The following DOCK1 variants were observed in gnomAD, a reference collection of about 807,000 sequenced individuals.
The protein encoded by DOCK1 is dedicator of cytokinesis protein 1.
A neutral mutation model predicts 262.7 loss-of-function variants in DOCK1; 138 were observed. That is an observed-to-expected ratio of 0.53 (90% CI 0.46 to 0.61). DOCK1 has a LOEUF of 0.61. Ranked by LOEUF, DOCK1 falls within the 20% of genes least tolerant of loss-of-function variation. The probability of loss-of-function intolerance (pLI) is 0.00; values close to 1 mark genes in which losing one functional copy is unlikely to be tolerated. For synonymous variants in DOCK1, 866 were observed against 867.4 expected (o/e 1.00, Z 0.03); for missense variants, 1,908 against 2,370.7 (o/e 0.80, Z 4.05).
chr10:127,197,652 C>T (rs1297575581), intron 27 of DOCK1, among the ~76,000 whole-genome samples: 1 of 152,094 alleles, frequency 6.6e-6, no homozygotes, highest in African/African-American at 2.4e-5. Context: ...TGGAAAGTCC[C>T]TTCACCCACC....
chr10:127,023,343 G>T lies in DOCK1; in HGVS notation c.1452+19G>T, dbSNP rs781719709. 3 of 1,613,370 alleles carry T rather than the reference G, an allele frequency of 1.9e-6. No homozygotes were observed. The highest frequency in any genetic ancestry group is 2.2e-5 in the South Asian group (2 of 90,922). ...ATTAGAGGTATTTATTGTGGCGAGG[G>T]CTCATCTGTAGTGTTTCAGTTTTAC... is the stretch of plus-strand genomic sequence containing the variant. On this transcript the variant is annotated intron_variant, in intron 14 of 51. Coordinates refer to ENST00000623213, the MANE Select transcript of DOCK1 (RefSeq NM_001290223.2).
At chr10:127,422,597 G>A (rs757744002) in intron 46 of DOCK1, among the ~76,000 whole-genome samples, 3 of 152,238 alleles carry the variant, frequency 2.0e-5, no homozygotes, top group Non-Finnish European at 4.4e-5. Context: ...TGTTTGCTTT[G>A]GAATTATGGT....
At position 127,419,668 on chromosome 10, in the gene DOCK1, C is replaced by T. The variant is rs755587095; in HGVS notation, c.4695C>T (p.Ala1565=). 3 of 1,602,038 alleles carry T rather than the reference C, an allele frequency of 1.9e-6. No individual in the cohort carries two copies. The highest frequency in any genetic ancestry group is 2.3e-5 in the East Asian group (1 of 44,400). The change falls in exon 46 of 52, where the codon GCC becomes GCT. Residue 1565 remains alanine (A), a splice_region_variant and synonymous_variant. Coordinates refer to ENST00000623213, the MANE Select transcript of DOCK1 (RefSeq NM_001290223.2). ...VMGGFANYEK[A]FFTDRYLQEH... ...GCAACTCTCCTTGTCTCCACCAGGC[C>T]TTCTTTACAGACCGGTACCTGCAGG...
chr10:127,195,794 C>G (rs992322702), intron 27 of DOCK1, among the ~76,000 whole-genome samples: 1 of 152,134 alleles, frequency 6.6e-6, no homozygotes, highest in Non-Finnish European at 1.5e-5. Context: ...AACCTTGCCC[C>G]CCACCTGCGA....
At chr10:127,077,625 G>A (rs575679479) in intron 23 of DOCK1, among the ~76,000 whole-genome samples, 5 of 152,194 alleles carry the variant, frequency 3.3e-5, no homozygotes, top group African/African-American at 9.6e-5. Flanking sequence ...TTATGGACTC[G>A]TACTGGGCAG....
At chr10:127,417,039 C>G (rs1047313857) in intron 44 of DOCK1, among the ~76,000 whole-genome samples, 1 of 152,182 alleles carries the variant, frequency 6.6e-6, no homozygotes, top group African/African-American at 2.4e-5. Flanking sequence ...TCTAGGGTTG[C>G]TGACGGACAG....
chr10:127,129,120 G>A (rs1398087790), intron 27 of DOCK1, among the ~76,000 whole-genome samples: 2 of 152,062 alleles, frequency 1.3e-5, no homozygotes, highest in African/African-American at 2.4e-5. Context: ...TTTATGTCTG[G>A]TGTCACCACA....
intron 27 of DOCK1, among the ~76,000 whole-genome samples, chr10:127,182,134 T>C (rs1459507616): frequency 6.6e-6 from 1 of 152,066 alleles, no homozygotes; most frequent in Non-Finnish European, 1.5e-5. Flanking sequence ...TCCCTCGATG[T>C]GTAGAATATT....
At chr10:127,026,566 A>G (rs1455628323) in intron 16 of DOCK1, 142 bp downstream of exon 16, 1 of 765,094 alleles carries the variant, frequency 1.3e-6, no homozygotes, top group Non-Finnish European at 2.2e-6. Context: ...TTCCTTGGAA[A>G]CATTCTTCTC....
intron 31 of DOCK1, among the ~76,000 whole-genome samples, chr10:127,351,868 C>A (rs924942789): frequency 6.6e-6 from 1 of 152,044 alleles, no homozygotes; most frequent in Non-Finnish European, 1.5e-5. Context: ...CCTCTCACTG[C>A]CAGGGACCTC....
chr10:127,311,694 G>A (rs1275661463), intron 29 of DOCK1, among the ~76,000 whole-genome samples: 1 of 151,956 alleles, frequency 6.6e-6, no homozygotes, highest in African/African-American at 2.4e-5. Context: ...TGTTGTCCCT[G>A]TCTCTGCACA....
intron 31 of DOCK1, among the ~76,000 whole-genome samples, chr10:127,351,514 T>A (rs1328121238): frequency 1.3e-5 from 2 of 151,688 alleles, no homozygotes; most frequent in South Asian, 2.1e-4. Flanking sequence ...GGTGTGGGAG[T>A]CTGAGGACTT....
At chr10:127,046,202 A>G (rs2044334647) in intron 21 of DOCK1, among the ~76,000 whole-genome samples, 1 of 152,172 alleles carries the variant, frequency 6.6e-6, no homozygotes, top group Non-Finnish European at 1.5e-5. Context: ...GTTTGGGAAA[A>G]TAAGTAAAAC....
chr10:126,959,401 C>T (rs1242074045), intron 1 of DOCK1, among the ~76,000 whole-genome samples: 1 of 152,074 alleles, frequency 6.6e-6, no homozygotes, highest in Non-Finnish European at 1.5e-5. Flanking sequence ...AATGTTATGC[C>T]AGAGTCAGGT....
intron 46 of DOCK1, 23 bp from the exon 47 acceptor site, chr10:127,425,851 A>C: frequency 6.2e-7 from 1 of 1,613,802 alleles, no homozygotes; most frequent in Non-Finnish European, 8.5e-7. Context: ...GAAATAAGGA[A>C]TGTCAACCTC....
At chr10:127,280,199 T>C (rs2060905899) in intron 29 of DOCK1, among the ~76,000 whole-genome samples, 1 of 151,126 alleles carries the variant, frequency 6.6e-6, no homozygotes, top group African/African-American at 2.4e-5. Context: ...CGCACCCGGC[T>C]AATTTTTTGT....
intron 27 of DOCK1, among the ~76,000 whole-genome samples, chr10:127,204,104 G>A (rs563298451): frequency 7.2e-5 from 11 of 152,150 alleles, no homozygotes; most frequent in East Asian, 5.8e-4. Flanking sequence ...TTGCCTGGAC[G>A]GAGGCTTCTG....
chr10:127,235,255 A>G lies in DOCK1; in HGVS notation c.2848-12753A>G, dbSNP rs148194846. ...CAGACAATACAGTTGTGTAGCCACT[A>G]CCAAATACAAGATTTAGAATATTTC... On this transcript the variant is annotated intron_variant, in intron 27 of 51. Transcript: ENST00000623213. Among the ~76,000 whole-genome samples, 16 of 152,136 alleles carry G rather than the reference A, an allele frequency of 1.1e-4. No homozygotes were observed. The East Asian group carries it at 3.1e-3, about 29-fold the overall frequency.
In DOCK1 at chr10:126,941,734, G is replaced by A. The variant is rs1012586923; in HGVS notation, c.47-28968G>A. On this transcript the variant is annotated intron_variant, in intron 1 of 51. Transcript: ENST00000623213. ...CGTGCCACTGCACTCCAGCCTGGGC[G>A]ACAGTGCGAGACTCCATCTCAAAAC... Among the ~76,000 whole-genome samples the A allele has an allele frequency of 1.3e-3, 191 of 151,926 alleles. 1 individual carries two copies. Among genetic ancestry groups the A allele is most frequent in the Admixed American group, 4.1e-3 (63 of 15,236 alleles).
Sources: allele counts gnomAD v4.1 joint callset (sites outside exome capture counted in the v4.1 genomes callset), GRCh38; gene constraint gnomAD v4.1.1; transcripts MANE v1.5; gene names NCBI Gene and HGNC (gene_info 2026-07-23, HGNC 2026-07-21).